The following TADA2A variants were observed in gnomAD, a reference collection of about 807,000 sequenced individuals.
The protein encoded by TADA2A is transcriptional adaptor 2A.
TADA2A carries 38 observed loss-of-function variants against 67.4 expected under a neutral mutation model. The observed-to-expected ratio is 0.56, with a 90% CI of 0.44 to 0.74. The LOEUF is 0.74. TADA2A is among the 30% of genes least tolerant of loss of function. The pLI, the probability that TADA2A is intolerant of heterozygous loss-of-function variation, is 0.00. For missense variants in TADA2A, 454 were observed against 547.0 expected (o/e 0.83, Z 1.70); for synonymous variants, 192 against 181.6 (o/e 1.06, Z -0.46).
intron 2 of TADA2A, among the ~76,000 whole-genome samples, chr17:37,412,142 C>T (rs560325614): frequency 2.0e-5 from 3 of 149,140 alleles, no homozygotes; most frequent in Non-Finnish European, 4.4e-5. Context: ...ACCCGGGAGG[C>T]GGAGCTTGCA....
intron 8 of TADA2A, among the ~76,000 whole-genome samples, chr17:37,449,843 G>C (rs544458342): frequency 2.6e-5 from 4 of 152,188 alleles, no homozygotes; most frequent in Admixed American, 2.6e-4. Context: ...GCTCAACCTT[G>C]AATGTTTGTT....
At chr17:37,420,423 G>A (rs1310144396) in intron 2 of TADA2A, among the ~76,000 whole-genome samples, 3 of 131,220 alleles carry the variant, frequency 2.3e-5, no homozygotes, top group East Asian at 4.8e-4. Flanking sequence ...ATGGAGTTTC[G>A]CTCTTGTCAC....
At chr17:37,455,530 C>T (rs769119492) in intron 8 of TADA2A, among the ~76,000 whole-genome samples, 22 of 151,844 alleles carry the variant, frequency 1.4e-4, no homozygotes, top group Non-Finnish European at 2.1e-4. Context: ...TACAGGCGCC[C>T]GCCACCATGC....
At chr17:37,435,413 C>T (rs190151833) in intron 4 of TADA2A, among the ~76,000 whole-genome samples, 4 of 152,164 alleles carry the variant, frequency 2.6e-5, no homozygotes, top group East Asian at 1.9e-4. Flanking sequence ...CTCAGCCTCC[C>T]GAGCAGCTGG....
chr17:37,464,070 A>G (rs1428567708), intron 10 of TADA2A, among the ~76,000 whole-genome samples: 1 of 152,168 alleles, frequency 6.6e-6, no homozygotes, highest in Admixed American at 6.5e-5. Flanking sequence ...CGACCCAAGT[A>G]GCAGTTCGAG....
Position 37,419,819 on chromosome 17 carries a change from G to C in TADA2A, c.26-3690G>C, listed in dbSNP as rs930500650. Among the ~76,000 whole-genome samples, 7 of 143,282 alleles carry C rather than the reference G, an allele frequency of 4.9e-5. 1 individual carries two copies. Among genetic ancestry groups the C allele is most frequent in the Non-Finnish European group, 7.7e-5 (5 of 64,752 alleles). The allele number at this position is 143,282 out of a possible 152,430, so 94.0% of individuals were successfully genotyped here. ...ACCACTTTTCAGGAGTTCGAGACCA[G>C]CCTGGCCAATATGGTGAAACCCTGT... On this transcript the variant is annotated intron_variant, in intron 2 of 15. Transcript: ENST00000615182.
intron 4 of TADA2A, among the ~76,000 whole-genome samples, chr17:37,428,747 T>G (rs1432875911): frequency 4.6e-5 from 7 of 152,062 alleles, no homozygotes; most frequent in African/African-American, 1.2e-4. Flanking sequence ...CCTGGCTAAT[T>G]TAAAAATTTT....
chr17:37,474,690 AT>A (rs2053858120), intron 15 of TADA2A, 61 bp downstream of exon 15: 2 of 1,534,634 alleles, frequency 1.3e-6, no homozygotes, highest in African/African-American at 2.7e-5. Context: ...TTGAGTTGTC[AT>A]TAAAAATCCA....
Position 37,477,751 on chromosome 17 carries a change from A to T in TADA2A, c.*769A>T, listed in dbSNP as rs1437413891. The stretch of plus-strand genomic sequence containing the variant: ...AGTACTAGGATTACAGGCGTGAGCC[A>T]TCGCGCCCGGCCTAAGCTGACAACT... On this transcript the variant is annotated 3_prime_UTR_variant, in exon 16 of 16. Coordinates refer to ENST00000615182, the MANE Select transcript of TADA2A (RefSeq NM_001166105.3). 6.6e-6 allele frequency: 1 copy of T among 152,094 alleles called. No individual in the cohort carries two copies. The highest frequency in any genetic ancestry group is 1.5e-5 in the Non-Finnish European group (1 of 68,038). 9.4% of individuals were successfully genotyped at this position (152,094 alleles called of 1,614,324 possible).
At chr17:37,418,735 G>A (rs919035184) in intron 2 of TADA2A, among the ~76,000 whole-genome samples, 5 of 151,454 alleles carry the variant, frequency 3.3e-5, no homozygotes, top group Admixed American at 2.0e-4. Context: ...GGGATTAGGC[G>A]CCCACCACCA....
intron 13 of TADA2A, 69 bp from the exon 14 acceptor site, chr17:37,471,025 C>A: frequency 6.5e-7 from 1 of 1,532,818 alleles, no homozygotes; most frequent in Non-Finnish European, 9.0e-7. Context: ...GGCACCCAGT[C>A]TCACCGGGGC....
intron 14 of TADA2A, 55 bp from the exon 15 acceptor site, chr17:37,474,501 C>G: frequency 6.4e-7 from 1 of 1,561,808 alleles, no homozygotes; most frequent in Non-Finnish European, 8.8e-7. Flanking sequence ...ATACTTTACA[C>G]CTGAGAAATT....
chr17:37,462,894 A>G (rs2053579873), intron 10 of TADA2A, among the ~76,000 whole-genome samples: 1 of 152,220 alleles, frequency 6.6e-6, no homozygotes, highest in Non-Finnish European at 1.5e-5. Flanking sequence ...AATGATATTT[A>G]ATATTATATG....
At chr17:37,429,925 G>C (rs2052522750) in intron 4 of TADA2A, among the ~76,000 whole-genome samples, 1 of 152,160 alleles carries the variant, frequency 6.6e-6, no homozygotes, top group South Asian at 2.1e-4. Flanking sequence ...AAGTAGCTGT[G>C]GATTTGAGTT....
rs565480694 is a variant in TADA2A, at chr17:37,411,440, TG to T, written c.25+51del. The stretch of plus-strand genomic sequence containing the variant: ...AGGTGACTTATTATTATTTTTTTTT[TG>T]AGATGGACTCTCCCTCTGTTGCCCA... On this transcript the variant is annotated intron_variant, in intron 2 of 15. Coordinates refer to ENST00000615182, the MANE Select transcript of TADA2A (RefSeq NM_001166105.3). The T allele has an allele frequency of 8.5e-5, 129 of 1,521,214 alleles. No homozygotes were observed. In the African/African-American group the frequency reaches 1.6e-3, roughly 19 times the overall value. The allele number at this position is 1,521,214 out of a possible 1,614,324, so 94.2% of individuals were successfully genotyped here. A position where few individuals can be genotyped will look rare whatever the true frequency, so the allele number is the denominator to read the frequency against.
intron 8 of TADA2A, among the ~76,000 whole-genome samples, chr17:37,449,130 C>T (rs1597906266): frequency 6.6e-6 from 1 of 152,206 alleles, no homozygotes; most frequent in African/African-American, 2.4e-5. Context: ...ACGCCATTCT[C>T]CTGCCTCAGC....
chr17:37,463,381 G>C (rs1046708379), intron 10 of TADA2A, among the ~76,000 whole-genome samples: 7 of 151,898 alleles, frequency 4.6e-5, no homozygotes, highest in East Asian at 1.9e-4. Flanking sequence ...TTCTTGTAGG[G>C]GTATTTATTT....
chr17:37,451,545 C>T (rs1451719384), intron 8 of TADA2A, among the ~76,000 whole-genome samples: 5 of 152,056 alleles, frequency 3.3e-5, no homozygotes, highest in South Asian at 2.1e-4. Flanking sequence ...TGGTCTCGAA[C>T]TCCTAAGCTC....
chr17:37,413,654 C>T (rs954421), intron 2 of TADA2A, among the ~76,000 whole-genome samples: 36,958 of 151,842 alleles, frequency 0.24, 4,601 homozygotes, highest in Middle Eastern at 0.36. Flanking sequence ...TCAAGCGATG[C>T]CCCCACCTTG....
Sources: allele counts gnomAD v4.1 joint callset (sites outside exome capture counted in the v4.1 genomes callset), GRCh38; gene constraint gnomAD v4.1.1; transcripts MANE v1.5; gene names NCBI Gene and HGNC (gene_info 2026-07-23, HGNC 2026-07-21).